Variants in MAPK9 observed in about 807,000 individuals in gnomAD.
MAPK9 encodes mitogen-activated protein kinase 9.
A neutral mutation model predicts 57.1 loss-of-function variants in MAPK9; 30 were observed. That is an observed-to-expected ratio of 0.53 (90% CI 0.39 to 0.71). The LOEUF (loss-of-function observed/expected upper bound fraction) is 0.71. Among genes scored for constraint, MAPK9 ranks in the 30% least tolerant of loss-of-function variants. The pLI, the probability that MAPK9 is intolerant of heterozygous loss-of-function variation, is 0.00. For missense variants in MAPK9, 362 were observed against 521.0 expected (o/e 0.69, Z 2.97); for synonymous variants, 155 against 177.0 (o/e 0.88, Z 0.99).
chr5:180,257,075 C>A (rs1298359880), intron 5 of MAPK9, among the ~76,000 whole-genome samples: 1 of 152,140 alleles, frequency 6.6e-6, no homozygotes, highest in Non-Finnish European at 1.5e-5. Context: ...TTTTAACTGA[C>A]CATCTGATGG....
chr5:180,290,237 T>G (rs576600401), intron 1 of MAPK9, among the ~76,000 whole-genome samples: 1 of 152,340 alleles, frequency 6.6e-6, no homozygotes, highest in African/African-American at 2.4e-5. Flanking sequence ...TCCTTACACC[T>G]GGCCCTCCAG....
At chr5:180,245,394 C>G (rs914885793) in intron 7 of MAPK9, among the ~76,000 whole-genome samples, 13 of 152,216 alleles carry the variant, frequency 8.5e-5, no homozygotes, top group Non-Finnish European at 2.9e-5. Flanking sequence ...AATTCAGCAG[C>G]TGGGAGGAGC....
intron 1 of MAPK9, among the ~76,000 whole-genome samples, chr5:180,288,478 C>A (rs191206960): frequency 1.3e-5 from 2 of 152,170 alleles, no homozygotes; most frequent in African/African-American, 4.8e-5. Flanking sequence ...GCAATTATTA[C>A]TTTTTCAACT....
chr5:180,241,281 G>A (rs1757631047), intron 8 of MAPK9, 126 bp from the exon 9 acceptor site: 1 of 1,023,802 alleles, frequency 9.8e-7, no homozygotes, highest in South Asian at 2.0e-5. Context: ...TGTTTGATAG[G>A]TTCAAGATGA....
At chr5:180,239,231 G>A (rs1036069725) in intron 10 of MAPK9, among the ~76,000 whole-genome samples, 2 of 152,224 alleles carry the variant, frequency 1.3e-5, no homozygotes, top group African/African-American at 4.8e-5. Flanking sequence ...AGTGATGAGG[G>A]ATTCCTAAAA....
intron 7 of MAPK9, among the ~76,000 whole-genome samples, chr5:180,244,663 A>T (rs1421098850): frequency 6.6e-6 from 1 of 151,182 alleles, no homozygotes; most frequent in African/African-American, 2.4e-5. Context: ...AATCCCAGCT[A>T]CTCGGGAGGC....
At chr5:180,267,512 A>G (rs1456222499) in intron 3 of MAPK9, among the ~76,000 whole-genome samples, 1 of 145,064 alleles carries the variant, frequency 6.9e-6, no homozygotes, top group East Asian at 2.1e-4. Flanking sequence ...CAGTGAGCTG[A>G]GATCGCGCCA....
At chr5:180,248,038 G>T in intron 6 of MAPK9, 1 of 923,406 alleles carries the variant, frequency 1.1e-6, no homozygotes, top group Non-Finnish European at 1.6e-6. Context: ...GGGAGCCTCT[G>T]TGCGTTGTTG....
At chr5:180,269,244 A>T (rs752450862) in intron 3 of MAPK9, 36 bp downstream of exon 3, 2 of 1,596,030 alleles carry the variant, frequency 1.3e-6, no homozygotes, top group Non-Finnish European at 1.7e-6. Context: ...TATTGACAAT[A>T]TGGAAGCACA....
At chr5:180,260,970 T>C (rs981741847) in intron 5 of MAPK9, among the ~76,000 whole-genome samples, 2 of 152,210 alleles carry the variant, frequency 1.3e-5, no homozygotes, top group African/African-American at 4.8e-5. Context: ...CATGATAGTC[T>C]GCTTACACAG....
In MAPK9 at chr5:180,247,634, C is replaced by G. The variant is rs1032520458; in HGVS notation, c.617-124G>C. On this transcript the variant is annotated intron_variant, in intron 6 of 11. Transcript: ENST00000452135. This position sits in a 1 kb window ranked among gnomAD's most constrained non-coding sequence, Gnocchi z 4.5. ...AAAATAAATTGCTAGCTAAGGGTGA[C>G]ATTTTACACAATATGAATGATTGCT... The G allele has an allele frequency of 2.0e-6, 2 of 981,524 alleles. No homozygotes were observed. The highest frequency in any genetic ancestry group is 3.2e-5 in the African/African-American group (2 of 62,054). 60.8% of individuals were successfully genotyped at this position (981,524 alleles called of 1,614,324 possible).
At chr5:180,244,089 T>C (rs1287868276) in intron 7 of MAPK9, among the ~76,000 whole-genome samples, 1 of 152,138 alleles carries the variant, frequency 6.6e-6, no homozygotes, top group Non-Finnish European at 1.5e-5. Flanking sequence ...CCTCAAGTGA[T>C]CTGCCTGCCT....
Position 180,240,961 on chromosome 5 carries a change from C to T in MAPK9, c.996+70G>A, listed in dbSNP as rs959733325. 1.3e-5 allele frequency: 20 copies of T among 1,513,426 alleles called. No individual in the cohort carries two copies. The East Asian group carries it at 2.2e-4, about 16-fold the overall frequency. The allele number at this position is 1,513,426 out of a possible 1,614,324, so 93.7% of individuals were successfully genotyped here. A position where few individuals can be genotyped will look rare whatever the true frequency, so the allele number is the denominator to read the frequency against. ...GCTACCCATATGTAGCCACTCTGGA[C>T]GGACAGACAAGATCCAAGGAAATAT... is the stretch of plus-strand genomic sequence containing the variant. On this transcript the variant is annotated intron_variant, in intron 9 of 11. Coordinates refer to ENST00000452135, the MANE Select transcript of MAPK9 (RefSeq NM_002752.5).
chr5:180,250,473 G>A (rs560911517), intron 5 of MAPK9, among the ~76,000 whole-genome samples: 8 of 152,162 alleles, frequency 5.3e-5, no homozygotes, highest in African/African-American at 7.2e-5. Flanking sequence ...CTGACATGGC[G>A]TAAGGCATGA....
At chr5:180,286,390 C>T (rs921464540) in intron 1 of MAPK9, among the ~76,000 whole-genome samples, 13 of 151,176 alleles carry the variant, frequency 8.6e-5, no homozygotes, top group South Asian at 6.2e-4. Context: ...ATGATCCGCC[C>T]GCCTCAGCCT....
At chr5:180,279,946 C>A in intron 2 of MAPK9, 2 of 456,714 alleles carry the variant, frequency 4.4e-6, no homozygotes, top group South Asian at 3.1e-5. Flanking sequence ...ACCCCTCACA[C>A]AGCATCCCTT....
At position 180,280,295 on chromosome 5, in the gene MAPK9, G is replaced by C. The variant is rs967287714; in HGVS notation, c.122+145C>G. 8.4e-6 allele frequency: 9 copies of C among 1,065,528 alleles called. No homozygotes were observed. In the African/African-American group the frequency reaches 1.3e-4, roughly 15 times the overall value. The allele number at this position is 1,065,528 out of a possible 1,614,324, so 66.0% of individuals were successfully genotyped here. A position where few individuals can be genotyped will look rare whatever the true frequency, so the allele number is the denominator to read the frequency against. ...CCTACAGCCTGACTACACAGAACTA[G>C]AGCAAGCAGTTGATTCAATTTAGCT... On this transcript the variant is annotated intron_variant, in intron 2 of 11. Transcript: ENST00000452135.
At chr5:180,239,190 T>C (rs1362003656) in intron 10 of MAPK9, among the ~76,000 whole-genome samples, 1 of 152,228 alleles carries the variant, frequency 6.6e-6, no homozygotes, top group Non-Finnish European at 1.5e-5. Flanking sequence ...TCAACTTTCA[T>C]CTGTAAGAAA....
At chr5:180,272,579 T>A (rs1328675272) in intron 2 of MAPK9, among the ~76,000 whole-genome samples, 1 of 152,228 alleles carries the variant, frequency 6.6e-6, no homozygotes, top group Admixed American at 6.5e-5. Flanking sequence ...AGCTAAAGCA[T>A]GCACCCTGGA....
Sources: gnomAD v4.1 joint callset for allele counts (sites outside exome capture counted in the v4.1 genomes callset) on GRCh38, gnomAD v4.1.1 for gene constraint, Gnocchi (gnomAD v3.1) non-coding constraint, MANE v1.5 for transcripts, NCBI Gene and HGNC (gene_info 2026-07-23, HGNC 2026-07-21) for gene names.